The following ERP44 variants were observed in gnomAD, a reference collection of about 807,000 sequenced individuals.
ERP44 encodes the protein endoplasmic reticulum resident protein 44.
In ERP44, 25 loss-of-function variants were observed where a neutral mutation model predicts 53.4. The ratio of observed to expected loss-of-function variants is 0.47; its 90% CI spans 0.34 to 0.65. ERP44 has a LOEUF of 0.65. Among genes scored for constraint, ERP44 ranks in the 30% least tolerant of loss-of-function variants. The pLI is 0.01. For synonymous variants in ERP44, 145 were observed against 161.2 expected (o/e 0.90, Z 0.76); for missense variants, 338 against 493.2 (o/e 0.69, Z 2.98).
At chr9:100,046,548 A>G (rs1286152941) in intron 4 of ERP44, among the ~76,000 whole-genome samples, 1 of 152,206 alleles carries the variant, frequency 6.6e-6, no homozygotes, top group African/African-American at 2.4e-5. Context: ...AATACTTAGG[A>G]ATAAATCTGA....
intron 1 of ERP44, among the ~76,000 whole-genome samples, chr9:100,074,944 AGCTG>A (rs1826340190): frequency 6.6e-6 from 1 of 152,230 alleles, no homozygotes; most frequent in Non-Finnish European, 1.5e-5. Flanking sequence ...CACACTTAGC[AGCTG>A]GCAGAACCCC....
At chr9:100,055,753 T>C (rs1177714863) in intron 3 of ERP44, among the ~76,000 whole-genome samples, 1 of 152,184 alleles carries the variant, frequency 6.6e-6, no homozygotes, top group African/African-American at 2.4e-5. Flanking sequence ...TTCCCATAAA[T>C]ATTAGGTAAT....
intron 1 of ERP44, among the ~76,000 whole-genome samples, chr9:100,082,521 G>T (rs1240687986): frequency 6.6e-6 from 1 of 151,914 alleles, no homozygotes; most frequent in Non-Finnish European, 1.5e-5. Context: ...GGAACAACAG[G>T]CAGCCACCTG....
chr9:100,028,833 A>AC (rs1830680960), intron 4 of ERP44, among the ~76,000 whole-genome samples: 1 of 152,198 alleles, frequency 6.6e-6, no homozygotes, highest in Non-Finnish European at 1.5e-5. Flanking sequence ...AAAAACAAAA[A>AC]ACTCGACTCA....
At chr9:100,085,421 A>C (rs1253326421) in intron 1 of ERP44, among the ~76,000 whole-genome samples, 1 of 152,226 alleles carries the variant, frequency 6.6e-6, no homozygotes, top group Non-Finnish European at 1.5e-5. Context: ...AGTTTCATCA[A>C]GTCTATAAAC....
chr9:100,043,085 C>G (rs1238528758), intron 4 of ERP44, among the ~76,000 whole-genome samples: 1 of 151,054 alleles, frequency 6.6e-6, no homozygotes, highest in Non-Finnish European at 1.5e-5. Context: ...TGGTGAAACC[C>G]AGTCTCTACT....
At chr9:100,085,665 C>T (rs1014099822) in intron 1 of ERP44, among the ~76,000 whole-genome samples, 14 of 152,134 alleles carry the variant, frequency 9.2e-5, no homozygotes, top group African/African-American at 2.2e-4. Context: ...TTTGGGAGGC[C>T]GAGGCAGGTG....
At chr9:100,036,791 G>A (rs1056834711) in intron 4 of ERP44, among the ~76,000 whole-genome samples, 4 of 152,018 alleles carry the variant, frequency 2.6e-5, no homozygotes, top group Non-Finnish European at 4.4e-5. Flanking sequence ...TTCATATGTC[G>A]GAGCTAAGAG....
chr9:99,988,109 C>T (rs1305916409), intron 10 of ERP44, among the ~76,000 whole-genome samples: 1 of 152,156 alleles, frequency 6.6e-6, no homozygotes, highest in African/African-American at 2.4e-5. Context: ...CCAGTTGTTC[C>T]ACATCCTCAT....
At chr9:99,997,308 A>G (rs1259559593) in intron 10 of ERP44, among the ~76,000 whole-genome samples, 1 of 152,164 alleles carries the variant, frequency 6.6e-6, no homozygotes, top group African/African-American at 2.4e-5. Context: ...TCTACTTTTT[A>G]AAATTTTTTT....
intron 4 of ERP44, among the ~76,000 whole-genome samples, chr9:100,044,105 G>C (rs1350481119): frequency 6.6e-6 from 1 of 152,064 alleles, no homozygotes; most frequent in Non-Finnish European, 1.5e-5. Context: ...GATCAATGAT[G>C]AGTTAGACTG....
At chr9:99,992,489 A>G (rs1830266769) in intron 10 of ERP44, among the ~76,000 whole-genome samples, 2 of 152,226 alleles carry the variant, frequency 1.3e-5, no homozygotes, top group African/African-American at 4.8e-5. Context: ...CAAACTCTCA[A>G]TAAACTAGGT....
intron 10 of ERP44, among the ~76,000 whole-genome samples, chr9:99,993,575 G>A (rs1199262069): frequency 6.6e-6 from 1 of 152,146 alleles, no homozygotes; most frequent in Non-Finnish European, 1.5e-5. Context: ...GAAAACCTAG[G>A]CAATACCATT....
intron 8 of ERP44, 124 bp downstream of exon 8, chr9:100,016,198 T>C (rs10819718): frequency 0.097 from 133,881 of 1,386,166 alleles, 7,038 homozygotes; most frequent in Non-Finnish European, 0.1. Context: ...AGCTATGATA[T>C]AGTTATGTTC....
At chr9:100,017,127 C>A (rs1045813893) in intron 7 of ERP44, among the ~76,000 whole-genome samples, 2 of 152,144 alleles carry the variant, frequency 1.3e-5, no homozygotes, top group African/African-American at 2.4e-5. Context: ...TACATTAACT[C>A]AAAATCAATT....
At position 100,060,974 on chromosome 9, in the gene ERP44, A is replaced by C. The variant is rs140457431; in HGVS notation, c.58-802T>G. ...AAATCATTGCTTTTTACTGAATGAC[A>C]ACTAATGTCAGGCTCTGATCAAAGT... On this transcript the variant is annotated intron_variant, in intron 1 of 11. Coordinates refer to ENST00000262455, the MANE Select transcript of ERP44 (RefSeq NM_015051.3). Among the ~76,000 whole-genome samples, 7 of 152,298 alleles carry C rather than the reference A, an allele frequency of 4.6e-5. No individual in the cohort carries two copies. The East Asian group carries it at 1.4e-3, about 29-fold the overall frequency.
At chr9:99,994,988 G>A (rs545865410) in intron 10 of ERP44, among the ~76,000 whole-genome samples, 13 of 152,080 alleles carry the variant, frequency 8.5e-5, no homozygotes, top group South Asian at 4.1e-4. Flanking sequence ...ATACTTCCTC[G>A]TTTATTTTGG....
chr9:100,036,188 T>A (rs1378889521), intron 4 of ERP44, among the ~76,000 whole-genome samples: 1 of 152,158 alleles, frequency 6.6e-6, no homozygotes, highest in Non-Finnish European at 1.5e-5. Flanking sequence ...ATGTGGTACA[T>A]ATACACAACT....
In ERP44 at chr9:99,980,332, A is replaced by C. The variant is rs1306720195; in HGVS notation, c.*2280T>G. ...CAGCACCAAAAAACTTGCACTGAAT[A>C]AATGTCAGACTGAAATCTGCTTCCC... On this transcript the variant is annotated 3_prime_UTR_variant, in exon 12 of 12. Coordinates refer to ENST00000262455, the MANE Select transcript of ERP44 (RefSeq NM_015051.3). 6.3e-6 allele frequency: 2 copies of C among 316,496 alleles called. No homozygotes were observed. Among genetic ancestry groups the C allele is most frequent in the Non-Finnish European group, 1.1e-5 (2 of 174,958 alleles). The allele number at this position is 316,496 out of a possible 1,614,324, so 19.6% of individuals were successfully genotyped here. A position where few individuals can be genotyped will look rare whatever the true frequency, so the allele number is the denominator to read the frequency against.
Sources: gnomAD v4.1 joint callset for allele counts (sites outside exome capture counted in the v4.1 genomes callset) on GRCh38, gnomAD v4.1.1 for gene constraint, MANE v1.5 for transcripts, NCBI Gene and HGNC (gene_info 2026-07-23, HGNC 2026-07-21) for gene names.